Variants in ASS1 observed in about 807,000 individuals in gnomAD.
ASS1 encodes argininosuccinate synthase.
In ASS1, 58 loss-of-function variants were observed where a neutral mutation model predicts 60.5. That is an observed-to-expected ratio of 0.96 (90% CI 0.78 to 1.19). The LOEUF (loss-of-function observed/expected upper bound fraction) is 1.19, where lower values mean the gene tolerates loss of function less well. ASS1 is among the 50% of genes most tolerant of loss of function. ASS1 has a pLI of 0.00. For missense variants in ASS1, 454 were observed against 547.3 expected (o/e 0.83, Z 1.70); for synonymous variants, 200 against 206.9 (o/e 0.97, Z 0.29).
At chr9:130,457,923 C>T (rs1304809683) in intron 3 of ASS1, among the ~76,000 whole-genome samples, 1 of 152,146 alleles carries the variant, frequency 6.6e-6, no homozygotes, top group Non-Finnish European at 1.5e-5. Flanking sequence ...CTTTGGGAGG[C>T]CGAGGCAGCT....
chr9:130,446,761 T>C (rs985481552), intron 1 of ASS1, among the ~76,000 whole-genome samples: 1 of 152,112 alleles, frequency 6.6e-6, no homozygotes, highest in Non-Finnish European at 1.5e-5. Flanking sequence ...GCCAGCCAGG[T>C]CAACCAGATG....
intron 1 of ASS1, chr9:130,451,808 G>C (rs759553399): frequency 2.2e-6 from 1 of 460,766 alleles, no homozygotes; most frequent in African/African-American, 2.0e-5. Context: ...GCAAGGAGCA[G>C]TTCTGATGGG....
chr9:130,487,919 T>C (rs1846347128), intron 11 of ASS1, among the ~76,000 whole-genome samples: 1 of 152,018 alleles, frequency 6.6e-6, no homozygotes, highest in African/African-American at 2.4e-5. Context: ...CCCGGCTAAA[T>C]TTTTTTGTTA....
intron 13 of ASS1, 42 bp from the exon 14 acceptor site, chr9:130,499,463 C>T (rs749971124): frequency 6.2e-6 from 10 of 1,600,530 alleles, no homozygotes; most frequent in Non-Finnish European, 8.5e-6. Context: ...CAAGCAGAGG[C>T]CAGGGCCAGG....
chr9:130,469,157 C>T (rs937627275), intron 6 of ASS1, among the ~76,000 whole-genome samples: 4 of 152,184 alleles, frequency 2.6e-5, no homozygotes, highest in East Asian at 1.9e-4. Context: ...GGAGCGAGGA[C>T]GGAGCCCAGC....
intron 11 of ASS1, among the ~76,000 whole-genome samples, chr9:130,485,307 T>A (rs556598314): frequency 2.3e-4 from 35 of 152,284 alleles, no homozygotes; most frequent in African/African-American, 8.4e-4. Context: ...CCAAAGGAAG[T>A]TGGAATGTCA....
intron 6 of ASS1, 52 bp downstream of exon 6, chr9:130,466,851 C>T (rs1564907740): frequency 3.8e-6 from 6 of 1,583,552 alleles, no homozygotes; most frequent in East Asian, 2.2e-5. Context: ...GCCCCCTTCC[C>T]GGGCACGTCC....
chr9:130,456,504 A>G (rs1845454138), intron 3 of ASS1, among the ~76,000 whole-genome samples: 1 of 152,082 alleles, frequency 6.6e-6, no homozygotes, highest in South Asian at 2.1e-4. Context: ...ACAAAAACAC[A>G]TTTATCCTAA....
chr9:130,446,595 G>A (rs1845202184), intron 1 of ASS1, among the ~76,000 whole-genome samples: 1 of 152,244 alleles, frequency 6.6e-6, no homozygotes, highest in African/African-American at 2.4e-5. Context: ...GAGGGAAGGG[G>A]AGGCCCCACT....
chr9:130,458,353 G>A, intron 3 of ASS1, 48 bp from the exon 4 acceptor site: 1 of 1,609,842 alleles, frequency 6.2e-7, no homozygotes, highest in South Asian at 1.1e-5. Context: ...TATGCCAGAT[G>A]GCCCCTGTCC....
intron 4 of ASS1, among the ~76,000 whole-genome samples, chr9:130,463,173 G>C (rs1027216845): frequency 1.3e-5 from 2 of 152,258 alleles, no homozygotes; most frequent in Non-Finnish European, 2.9e-5. Context: ...CGCCCATGCA[G>C]TTTTCACAGT....
chr9:130,490,688 C>A (rs1038310291), intron 12 of ASS1, among the ~76,000 whole-genome samples: 2 of 152,168 alleles, frequency 1.3e-5, no homozygotes, highest in Non-Finnish European at 2.9e-5. Flanking sequence ...ATATAAAATT[C>A]AAGTGTTGCC....
chr9:130,454,740 C>A (rs963366456), intron 3 of ASS1, among the ~76,000 whole-genome samples: 1 of 151,740 alleles, frequency 6.6e-6, no homozygotes, highest in African/African-American at 2.4e-5. Context: ...ATCCATCCAT[C>A]CATTCAGCCA....
At chr9:130,451,970 C>T (rs529904921) in intron 1 of ASS1, 13 of 639,252 alleles carry the variant, frequency 2.0e-5, no homozygotes, top group African/African-American at 3.6e-5. Context: ...TGCCTCTCCC[C>T]GACCAGCCTA....
At chr9:130,445,499 G>T (rs1177809722) in intron 1 of ASS1, among the ~76,000 whole-genome samples, 1 of 152,140 alleles carries the variant, frequency 6.6e-6, no homozygotes, top group Non-Finnish European at 1.5e-5. Context: ...CGCTTTCCCC[G>T]CAGCCTCAGT....
intron 8 of ASS1, among the ~76,000 whole-genome samples, chr9:130,473,984 G>A (rs1474367402): frequency 6.7e-6 from 1 of 148,604 alleles, no homozygotes. Flanking sequence ...CCTGTTTCAT[G>A]CTTTCTTTCG....
In ASS1 at chr9:130,501,041, C is replaced by G; in HGVS notation, c.*20C>G. ...AAATAGACCCGTGTACAATGAGGAGCTGGGGCCTCCTCAATTTGCAGATCC... is the reference window on the plus strand; with the variant it reads ...AAATAGACCCGTGTACAATGAGGAGGTGGGGCCTCCTCAATTTGCAGATCC... On this transcript the variant is annotated 3_prime_UTR_variant, in exon 15 of 15. Transcript: ENST00000352480. The G allele has an allele frequency of 6.2e-7, 1 of 1,605,538 alleles. No homozygotes were observed. Among genetic ancestry groups the G allele is most frequent in the African/African-American group, 1.3e-5 (1 of 74,886 alleles).
At position 130,477,106 on chromosome 9, in the gene ASS1, G is replaced by A. The variant is rs1028695051; in HGVS notation, c.688+145G>A. 19 of 844,784 alleles carry A rather than the reference G, an allele frequency of 2.2e-5. No homozygotes were observed. The highest frequency in any genetic ancestry group is 4.7e-5 in the South Asian group (3 of 64,210). 52.3% of individuals were successfully genotyped at this position (844,784 alleles called of 1,614,324 possible). On this transcript the variant is annotated intron_variant, in intron 9 of 14. Coordinates refer to ENST00000352480, the MANE Select transcript of ASS1 (RefSeq NM_054012.4). The surrounding 1 kb of genome is among the most constrained non-coding windows in gnomAD (Gnocchi z 4.2). ...GTTCAGGCAGGGGCTTCAAGGTAAC[G>A]CACAGCCCACCTCCCTGGACAGTAC...
rs1588496214 is a variant in ASS1 at position 130,480,383 on chromosome 9, A to G, written c.774-2A>G. The G allele has an allele frequency of 1.2e-6, 2 of 1,614,214 alleles. No individual in the cohort carries two copies. The highest frequency in any genetic ancestry group is 1.1e-5 in the South Asian group (1 of 91,088). On this transcript the variant is annotated splice_acceptor_variant, in intron 10 of 14. Transcript: ENST00000352480. LOFTEE classifies it high-confidence loss of function. ...AACCTAATGGACCAGTTCTTCCCACAGGGGCAAGCATGGCGTGGGCCGTAT... is the reference window on the plus strand; with the variant it reads ...AACCTAATGGACCAGTTCTTCCCACGGGGGCAAGCATGGCGTGGGCCGTAT...
Sources: allele counts gnomAD v4.1 joint callset (sites outside exome capture counted in the v4.1 genomes callset), GRCh38; gene constraint gnomAD v4.1.1; non-coding constraint Gnocchi (gnomAD v3.1); transcripts MANE v1.5; gene names NCBI Gene and HGNC (gene_info 2026-07-23, HGNC 2026-07-21).